The following CDH12 variants were observed in gnomAD, a reference collection of about 807,000 sequenced individuals.
The protein encoded by CDH12 is cadherin 12.
CDH12 carries 41 observed loss-of-function variants against 74.1 expected under a neutral mutation model. That is an observed-to-expected ratio of 0.55 (90% CI 0.43 to 0.72). The LOEUF is 0.72. CDH12 is among the 30% of genes least tolerant of loss of function. The pLI is 0.00. For missense variants in CDH12, 945 were observed against 977.2 expected (o/e 0.97, Z 0.44); for synonymous variants, 399 against 355.0 (o/e 1.12, Z -1.39).
At position 21,815,044 on chromosome 5, in the gene CDH12, A is replaced by G. The variant is rs537887137; in HGVS notation, c.1002+1901T>C. ...AATAGAGTGGGATCATGTGGGTTAA[A>G]TTAATTTCTAGACTAAGCGTAATTT... On this transcript the variant is annotated intron_variant, in intron 9 of 14. Transcript: ENST00000382254. Among the ~76,000 whole-genome samples the G allele has an allele frequency of 2.0e-5, 3 of 152,222 alleles. No individual in the cohort carries two copies. The South Asian group carries it at 6.2e-4, about 32-fold the overall frequency.
chr5:22,063,865 T>G (rs190171159), intron 5 of CDH12, among the ~76,000 whole-genome samples: 8 of 152,178 alleles, frequency 5.3e-5, no homozygotes, highest in African/African-American at 1.7e-4. Context: ...GGTTTGGAAC[T>G]CTCTCTGAGT....
intron 4 of CDH12, among the ~76,000 whole-genome samples, chr5:22,137,371 G>T (rs1410452276): frequency 6.6e-6 from 1 of 151,968 alleles, no homozygotes; most frequent in East Asian, 1.9e-4. Flanking sequence ...TCTCCCTAAA[G>T]ATTTTTTGAG....
intron 1 of CDH12, among the ~76,000 whole-genome samples, chr5:22,760,418 C>T (rs547564229): frequency 3.3e-5 from 5 of 152,166 alleles, no homozygotes; most frequent in Non-Finnish European, 5.9e-5. Context: ...CGGTGGCTCC[C>T]GCCTGTAATC....
chr5:22,192,727 T>C, intron 4 of CDH12, among the ~76,000 whole-genome samples: 1 of 152,140 alleles, frequency 6.6e-6, no homozygotes, highest in African/African-American at 2.4e-5. Flanking sequence ...TATCCCAGAA[T>C]AGACTGGGGC....
chr5:21,960,031 C>A (rs1431594074), intron 6 of CDH12, among the ~76,000 whole-genome samples: 3 of 151,016 alleles, frequency 2.0e-5, no homozygotes, highest in Non-Finnish European at 4.4e-5. Flanking sequence ...AACACAGGAA[C>A]ACCCAGATTC....
At chr5:22,679,855 C>T (rs1024585234) in intron 1 of CDH12, among the ~76,000 whole-genome samples, 2 of 152,066 alleles carry the variant, frequency 1.3e-5, no homozygotes, top group Non-Finnish European at 2.9e-5. Context: ...CAAAGAGACT[C>T]TTTCTGTTAA....
chr5:22,067,992 A>C (rs1399886748), intron 5 of CDH12, among the ~76,000 whole-genome samples: 1 of 151,954 alleles, frequency 6.6e-6, no homozygotes. Context: ...TAAATAAATA[A>C]ATACATAGAA....
intron 4 of CDH12, among the ~76,000 whole-genome samples, chr5:22,120,893 G>T (rs757634349): frequency 1.3e-4 from 20 of 151,972 alleles, no homozygotes; most frequent in Admixed American, 5.2e-4. Flanking sequence ...TCATCACAAG[G>T]TTACTTTTCT....
chr5:22,745,108 T>G (rs2127024476), intron 1 of CDH12, among the ~76,000 whole-genome samples: 1 of 152,024 alleles, frequency 6.6e-6, no homozygotes, highest in East Asian at 1.9e-4. Flanking sequence ...TATACCACAA[T>G]GAAACATTCT....
intron 3 of CDH12, among the ~76,000 whole-genome samples, chr5:22,327,352 G>T (rs1211179147): frequency 6.6e-6 from 1 of 151,378 alleles, no homozygotes; most frequent in African/African-American, 2.4e-5. Context: ...TTCATAAATT[G>T]TCAGTATTTT....
At chr5:21,925,992 G>GT (rs1561303922) in intron 6 of CDH12, among the ~76,000 whole-genome samples, 1 of 151,800 alleles carries the variant, frequency 6.6e-6, no homozygotes, top group Non-Finnish European at 1.5e-5. Flanking sequence ...ATCTGAAGAA[G>GT]TTTTAAATTA....
rs369167882 is a variant in CDH12, at chr5:21,816,970, T to C, written c.977A>G (p.Gln326Arg). ...LFDIVTDEDT[Q>R]EGVIKLKKPL... ...CTTTTTCAATTTGATGACTCCCTCT[T>C]GTGTATCCTCATCTGTGACGATGTC... Residue 326 changes from glutamine to arginine, a missense_variant, in exon 9 of 15, where the codon CAA becomes CGA. Gln to Arg is a conservative substitution (Grantham distance 43). Transcript: ENST00000382254. 17 of 1,611,544 alleles carry C rather than the reference T, an allele frequency of 1.1e-5. No homozygotes were observed. In the African/African-American group the frequency reaches 2.1e-4, roughly 20 times the overall value.
At chr5:21,941,376 T>G (rs566307984) in intron 6 of CDH12, among the ~76,000 whole-genome samples, 2 of 152,318 alleles carry the variant, frequency 1.3e-5, no homozygotes, top group African/African-American at 4.8e-5. Flanking sequence ...AAAATTAAGA[T>G]GAGTCATTTA....
chr5:22,425,299 G>A (rs1163074962), intron 2 of CDH12, among the ~76,000 whole-genome samples: 1 of 150,856 alleles, frequency 6.6e-6, no homozygotes, highest in East Asian at 1.9e-4. Flanking sequence ...ATGGTTTTGT[G>A]AGTGTGGTAG....
At chr5:21,897,427 A>T (rs1263484460) in intron 6 of CDH12, among the ~76,000 whole-genome samples, 1 of 152,210 alleles carries the variant, frequency 6.6e-6, no homozygotes, top group Non-Finnish European at 1.5e-5. Context: ...AAGAGAAATA[A>T]AGCCTCAAAT....
intron 1 of CDH12, among the ~76,000 whole-genome samples, chr5:22,584,940 A>C (rs979467023): frequency 7.9e-5 from 12 of 152,188 alleles, no homozygotes; most frequent in African/African-American, 2.9e-4. Context: ...TTTATCTTAA[A>C]AAAATTTACT....
chr5:22,493,654 G>C (rs765759518), intron 2 of CDH12, among the ~76,000 whole-genome samples: 3 of 151,874 alleles, frequency 2.0e-5, no homozygotes, highest in Non-Finnish European at 4.4e-5. Context: ...AATTTTTCCA[G>C]GTAATTATGA....
chr5:21,939,853 TA>T (rs1217416876), intron 6 of CDH12, among the ~76,000 whole-genome samples: 4 of 152,176 alleles, frequency 2.6e-5, no homozygotes, highest in Non-Finnish European at 5.9e-5. Context: ...GCCTTGTTCT[TA>T]ATAATTAAAA....
At chr5:22,514,237 C>T (rs1438387645) in intron 1 of CDH12, among the ~76,000 whole-genome samples, 1 of 151,472 alleles carries the variant, frequency 6.6e-6, no homozygotes, top group Non-Finnish European at 1.5e-5. Context: ...CTGAAGATTC[C>T]AGATAAAATA....
Sources: allele counts gnomAD v4.1 joint callset (sites outside exome capture counted in the v4.1 genomes callset), GRCh38; gene constraint gnomAD v4.1.1; transcripts MANE v1.5; gene names NCBI Gene and HGNC (gene_info 2026-07-23, HGNC 2026-07-21).